PATJ: variants seen among roughly 807,000 people sequenced by gnomAD.
The protein encoded by PATJ is PATJ crumbs cell polarity complex component.
A neutral mutation model predicts 224.9 loss-of-function variants in PATJ; 190 were observed. The ratio of observed to expected loss-of-function variants is 0.84; its 90% CI spans 0.75 to 0.95. The LOEUF (loss-of-function observed/expected upper bound fraction) is 0.95. Ranked by LOEUF, PATJ falls within the 40% of genes least tolerant of loss-of-function variation. The probability of loss-of-function intolerance (pLI) is 0.00; values close to 1 mark genes in which losing one functional copy is unlikely to be tolerated. For missense variants in PATJ, 2,121 were observed against 2,270.3 expected (o/e 0.93, Z 1.34); for synonymous variants, 769 against 820.3 (o/e 0.94, Z 1.07).
chr1:62,059,474 G>A (rs577972969), intron 31 of PATJ, among the ~76,000 whole-genome samples: 5 of 151,900 alleles, frequency 3.3e-5, no homozygotes, highest in South Asian at 4.2e-4. Flanking sequence ...ATACAAAGCC[G>A]GGCATGGTGG....
chr1:62,106,309 TAA>T (rs879297668), intron 33 of PATJ, among the ~76,000 whole-genome samples: 1 of 136,474 alleles, frequency 7.3e-6, no homozygotes, highest in Non-Finnish European at 1.6e-5. Context: ...CATCTCTACT[TAA>T]AAAAAAAAAA....
chr1:62,036,124 T>C (rs1650334148), intron 29 of PATJ, among the ~76,000 whole-genome samples: 4 of 152,152 alleles, frequency 2.6e-5, no homozygotes, highest in African/African-American at 9.7e-5. Flanking sequence ...TGATCCTAAG[T>C]GCATTAAGAA....
At chr1:62,107,313 A>G (rs565544916) in intron 33 of PATJ, among the ~76,000 whole-genome samples, 6 of 151,708 alleles carry the variant, frequency 4.0e-5, no homozygotes, top group Admixed American at 6.6e-5. Context: ...CTCAAAAAAA[A>G]AAAAAGGAGA....
rs1646044154 is a variant in PATJ, at chr1:61,762,861, T to C, written c.-32T>C. The C allele has an allele frequency of 1.4e-6, 2 of 1,420,378 alleles. No homozygotes were observed. Among genetic ancestry groups the C allele is most frequent in the African/African-American group, 2.9e-5 (2 of 69,794 alleles). The allele number at this position is 1,420,378 out of a possible 1,614,324, so 88.0% of individuals were successfully genotyped here. ...TATTGTTAAATTTTTTCTTTAGGTG[T>C]CTTTAAGAGTGATTGAAGAGAATAA... is the stretch of plus-strand genomic sequence containing the variant. On this transcript the variant is annotated 5_prime_UTR_variant, in exon 2 of 44. Coordinates refer to ENST00000642238, the MANE Select transcript of PATJ (RefSeq NM_001350145.3).
At chr1:61,777,869 G>T in intron 7 of PATJ, among the ~76,000 whole-genome samples, 1 of 151,384 alleles carries the variant, frequency 6.6e-6, no homozygotes, top group Non-Finnish European at 1.5e-5. Flanking sequence ...CACCATGCTA[G>T]GCTAATTTAT....
intron 33 of PATJ, among the ~76,000 whole-genome samples, chr1:62,095,281 C>A (rs928011807): frequency 6.6e-6 from 1 of 152,156 alleles, no homozygotes; most frequent in Non-Finnish European, 1.5e-5. Flanking sequence ...TGCCTCAGGT[C>A]CTGCATGCTC....
At chr1:61,875,663 T>G (rs1667244079) in intron 21 of PATJ, 1 of 215,622 alleles carries the variant, frequency 4.6e-6, no homozygotes, top group African/African-American at 2.4e-5. Context: ...AAATCTGAAA[T>G]AAGTCTCTAC....
intron 40 of PATJ, chr1:62,128,596 A>C (rs1665959337): frequency 2.1e-6 from 1 of 468,260 alleles, no homozygotes; most frequent in Admixed American, 3.5e-5. Context: ...TTACCAAAAT[A>C]CAAAAATGGC....
chr1:61,905,808 G>A (rs959138906), intron 24 of PATJ, among the ~76,000 whole-genome samples: 1 of 151,974 alleles, frequency 6.6e-6, no homozygotes, highest in Admixed American at 6.6e-5. Context: ...ATGTGTGGGG[G>A]TTTACCCCCA....
At chr1:61,880,999 C>T (rs1468827701) in intron 21 of PATJ, among the ~76,000 whole-genome samples, 1 of 152,174 alleles carries the variant, frequency 6.6e-6, no homozygotes, top group Non-Finnish European at 1.5e-5. Flanking sequence ...GTGCCTGAGG[C>T]AGGAGAATCG....
intron 27 of PATJ, among the ~76,000 whole-genome samples, chr1:61,984,779 G>A (rs1321834967): frequency 6.6e-6 from 1 of 151,982 alleles, no homozygotes; most frequent in Non-Finnish European, 1.5e-5. Context: ...ACAACACACT[G>A]AAATAAGTGG....
chr1:61,819,928 T>C (rs1487488323), intron 14 of PATJ, among the ~76,000 whole-genome samples: 4 of 152,244 alleles, frequency 2.6e-5, no homozygotes, highest in Non-Finnish European at 5.9e-5. Flanking sequence ...ATAGTAGATA[T>C]AAATCACTTC....
intron 28 of PATJ, among the ~76,000 whole-genome samples, chr1:62,009,672 A>G (rs1389929190): frequency 1.3e-5 from 2 of 152,130 alleles, no homozygotes; most frequent in Non-Finnish European, 2.9e-5. Flanking sequence ...CCACAGTAGA[A>G]TTTCTTTCAA....
In PATJ at chr1:61,965,121, C is replaced by CAAAAAAAAAAAAAAAAAAA. The variant is rs34267345; in HGVS notation, c.3671-25025_3671-25007dup. ...TGGGCCACTGAAGGAGACTCTGTCT[C>CAAAAAAAAAAAAAAAAAAA]AAAAAAAAAAAAAAAAAAAAAAAAA... On this transcript the variant is annotated intron_variant, in intron 27 of 43. Coordinates refer to ENST00000642238, the MANE Select transcript of PATJ (RefSeq NM_001350145.3). Among the ~76,000 whole-genome samples the CAAAAAAAAAAAAAAAAAAA allele has an allele frequency of 1.7e-4, 9 of 54,382 alleles. 1 individual carries two copies. The highest frequency in any genetic ancestry group is 2.1e-4 in the Non-Finnish European group (7 of 33,042). The allele number at this position is 54,382 out of a possible 152,430, so 35.7% of individuals were successfully genotyped here.
intron 20 of PATJ, among the ~76,000 whole-genome samples, chr1:61,868,800 T>G (rs1394062579): frequency 1.3e-5 from 2 of 151,766 alleles, no homozygotes; most frequent in African/African-American, 2.4e-5. Context: ...AAAAAAAAAG[T>G]TGAATAAAAT....
chr1:62,045,078 G>A (rs1652267447), intron 30 of PATJ, among the ~76,000 whole-genome samples: 1 of 152,098 alleles, frequency 6.6e-6, no homozygotes, highest in Non-Finnish European at 1.5e-5. Context: ...AAAATTAGCT[G>A]GGTGTGGTGG....
intron 41 of PATJ, among the ~76,000 whole-genome samples, chr1:62,143,893 G>A (rs897780654): frequency 1.3e-5 from 2 of 152,242 alleles, no homozygotes; most frequent in Middle Eastern, 3.4e-3. Context: ...GGAGAAACAG[G>A]CCCCTGCAGA....
chr1:61,886,819 C>CAAAAAAAAAAAAAAAAAAAAAAA lies in PATJ; in HGVS notation c.3131+2423_3131+2424insAAAAAAAAAAAAAAAAAAAAAAA, dbSNP rs35950461. Among the ~76,000 whole-genome samples the CAAAAAAAAAAAAAAAAAAAAAAA allele has an allele frequency of 2.2e-3, 189 of 87,468 alleles. 63 individuals carry two copies. The highest frequency in any genetic ancestry group is 5.2e-3 in the Middle Eastern group (1 of 194). The allele number at this position is 87,468 out of a possible 152,430, so 57.4% of individuals were successfully genotyped here. On this transcript the variant is annotated intron_variant, in intron 22 of 43. Coordinates refer to ENST00000642238, the MANE Select transcript of PATJ (RefSeq NM_001350145.3). ...TGGGCAACAGAGCAAGACCCCATCT[C>CAAAAAAAAAAAAAAAAAAAAAAA]AAAAAAAAAAAATTAGCCTGTTGTG...
rs1432390277 is a variant in PATJ, at chr1:62,086,320, A to G, written c.4377+1672A>G. Among the ~76,000 whole-genome samples, 2 of 152,008 alleles carry G rather than the reference A, an allele frequency of 1.3e-5. No individual in the cohort carries two copies. Among genetic ancestry groups the G allele is most frequent in the African/African-American group, 2.4e-5 (1 of 41,360 alleles). On this transcript the variant is annotated intron_variant, in intron 33 of 43. Coordinates refer to ENST00000642238, the MANE Select transcript of PATJ (RefSeq NM_001350145.3). This position sits in a 1 kb window ranked among gnomAD's most constrained non-coding sequence, Gnocchi z 4.0. ...CAAAAGGAAAATTGTGTGTGTGTGTATGTAATACCTGCATCTTATACAAAG... is the reference window on the plus strand; with the variant it reads ...CAAAAGGAAAATTGTGTGTGTGTGTGTGTAATACCTGCATCTTATACAAAG...
Sources: allele counts gnomAD v4.1 joint callset (sites outside exome capture counted in the v4.1 genomes callset), GRCh38; gene constraint gnomAD v4.1.1; non-coding constraint Gnocchi (gnomAD v3.1); transcripts MANE v1.5; gene names NCBI Gene and HGNC (gene_info 2026-07-23, HGNC 2026-07-21).